Variants in GLIS1 observed in about 807,000 individuals in gnomAD.
GLIS1 encodes the protein zinc finger protein GLIS1.
In GLIS1, 24 loss-of-function variants were observed where a neutral mutation model predicts 63.8. That is an observed-to-expected ratio of 0.38 (90% confidence interval 0.27 to 0.53). The LOEUF is 0.53. GLIS1 is among the 20% of genes least tolerant of loss of function. The probability of loss-of-function intolerance (pLI) is 0.85; values close to 1 mark genes in which losing one functional copy is unlikely to be tolerated. For synonymous variants in GLIS1, 450 were observed against 482.5 expected (o/e 0.93, Z 0.88); for missense variants, 1,036 against 1,074.1 (o/e 0.96, Z 0.50).
intron 2 of GLIS1, among the ~76,000 whole-genome samples, chr1:53,680,712 T>C (rs1246305386): frequency 1.3e-5 from 2 of 152,166 alleles, no homozygotes; most frequent in Non-Finnish European, 2.9e-5. Flanking sequence ...TACTATCTGC[T>C]GAATGAATGA....
At chr1:53,620,518 C>G in intron 2 of GLIS1, among the ~76,000 whole-genome samples, 1 of 152,236 alleles carries the variant, frequency 6.6e-6, no homozygotes, top group Non-Finnish European at 1.5e-5. Context: ...TGAATGAGTA[C>G]AGTGTTTGGT....
chr1:53,599,980 G>T, intron 3 of GLIS1, 121 bp downstream of exon 3: 1 of 482,766 alleles, frequency 2.1e-6, no homozygotes, highest in Non-Finnish European at 3.3e-6. Context: ...TCTGAGCTAC[G>T]GGCCCCTCGT....
At chr1:53,641,639 AC>A (rs1645788292) in intron 2 of GLIS1, among the ~76,000 whole-genome samples, 1 of 152,162 alleles carries the variant, frequency 6.6e-6, no homozygotes, top group Non-Finnish European at 1.5e-5. Flanking sequence ...GCCTAAGGGC[AC>A]TTTGTGGATG....
At chr1:53,659,332 C>A (rs769077303) in intron 2 of GLIS1, among the ~76,000 whole-genome samples, 1 of 152,224 alleles carries the variant, frequency 6.6e-6, no homozygotes, top group Non-Finnish European at 1.5e-5. Context: ...AGGAGGAGAG[C>A]TTTCCAGCCC....
At chr1:53,531,488 G>A (rs1644530763) in intron 4 of GLIS1, among the ~76,000 whole-genome samples, 1 of 152,210 alleles carries the variant, frequency 6.6e-6, no homozygotes. Context: ...GATCCACCTG[G>A]CTGATTTTCA....
At chr1:53,659,146 G>A (rs979333650) in intron 2 of GLIS1, among the ~76,000 whole-genome samples, 2 of 152,198 alleles carry the variant, frequency 1.3e-5, no homozygotes, top group Non-Finnish European at 2.9e-5. Context: ...TGAGTGCTCT[G>A]AGCCTGAAGA....
intron 2 of GLIS1, among the ~76,000 whole-genome samples, chr1:53,660,972 A>C (rs1397922116): frequency 6.6e-6 from 1 of 152,194 alleles, no homozygotes; most frequent in East Asian, 1.9e-4. Context: ...GTGTGCTGGC[A>C]GACCCATGTT....
rs1031358849 is a variant in GLIS1 at position 53,646,815 on chromosome 1, A to G, written c.260-46537T>C. 3.3e-5 allele frequency among the ~76,000 whole-genome samples: 5 copies of G among 151,770 alleles called. No individual in the cohort carries two copies. The highest frequency in any genetic ancestry group is 7.4e-5 in the Non-Finnish European group (5 of 67,964). ...ACAGAGCAAGACTCTGTCTCAAAAA[A>G]GAAAGAAGAAAGGAAAGAGAGAGAG... On this transcript the variant is annotated intron_variant, in intron 2 of 10. Coordinates refer to ENST00000628545, the MANE Select transcript of GLIS1 (RefSeq NM_001367484.1). This position sits in a 1 kb window ranked among gnomAD's most constrained non-coding sequence, Gnocchi z 4.2.
chr1:53,514,616 T>A lies in GLIS1; in HGVS notation c.1883+9A>T. ...TGCCCCTGGAGGAGGACTGGCCTGG[T>A]GTACATACCCATCCCGGGTGCTCTC... On this transcript the variant is annotated intron_variant, in intron 8 of 10. Coordinates refer to ENST00000628545, the MANE Select transcript of GLIS1 (RefSeq NM_001367484.1). The A allele has an allele frequency of 6.2e-7, 1 of 1,609,128 alleles. No homozygotes were observed. The highest frequency in any genetic ancestry group is 8.5e-7 in the Non-Finnish European group (1 of 1,178,550).
intron 2 of GLIS1, among the ~76,000 whole-genome samples, chr1:53,705,863 TC>T (rs1459852193): frequency 6.6e-6 from 1 of 152,118 alleles, no homozygotes; most frequent in East Asian, 1.9e-4. Flanking sequence ...CCATCAATGC[TC>T]CCGGGAAGTC....
chr1:53,555,602 G>A (rs1240577997), intron 4 of GLIS1, among the ~76,000 whole-genome samples: 1 of 152,144 alleles, frequency 6.6e-6, no homozygotes, highest in Non-Finnish European at 1.5e-5. Context: ...AAATGCTTGA[G>A]GTAATGGACA....
At position 53,695,453 on chromosome 1, in the gene GLIS1, G is replaced by A. The variant is rs942132885; in HGVS notation, c.259+42353C>T. ...AAGAAGGTGACAGACAGGGCACTAC[G>A]GCAGCGACTTGTCTGTCCTCAGCCA... On this transcript the variant is annotated intron_variant, in intron 2 of 10. Coordinates refer to ENST00000628545, the MANE Select transcript of GLIS1 (RefSeq NM_001367484.1). 9.2e-5 allele frequency among the ~76,000 whole-genome samples: 14 copies of A among 152,230 alleles called. 1 individual carries two copies. Among genetic ancestry groups the A allele is most frequent in the African/African-American group, 3.4e-4 (14 of 41,452 alleles).
chr1:53,731,895 G>A lies in GLIS1; in HGVS notation c.259+5911C>T, dbSNP rs530767059. ...CAAACCTTCCCAGCCCAGTCAGTGTGGAATCCTGGAGTATCAGCAGGCAGG... is the reference window on the plus strand; with the variant it reads ...CAAACCTTCCCAGCCCAGTCAGTGTAGAATCCTGGAGTATCAGCAGGCAGG... On this transcript the variant is annotated intron_variant, in intron 2 of 10. Coordinates refer to ENST00000628545, the MANE Select transcript of GLIS1 (RefSeq NM_001367484.1). Among the ~76,000 whole-genome samples the A allele has an allele frequency of 4.6e-5, 7 of 152,298 alleles. No individual in the cohort carries two copies. The South Asian group carries it at 1.5e-3, about 32-fold the overall frequency.
chr1:53,561,331 G>A (rs1244669934), intron 4 of GLIS1, among the ~76,000 whole-genome samples: 2 of 152,110 alleles, frequency 1.3e-5, no homozygotes, highest in South Asian at 2.1e-4. Context: ...TCATAGCCCA[G>A]GACCTGGAAA....
chr1:53,715,917 G>A (rs769247923), intron 2 of GLIS1, among the ~76,000 whole-genome samples: 1 of 152,176 alleles, frequency 6.6e-6, no homozygotes, highest in Non-Finnish European at 1.5e-5. Context: ...TTAGACGCAG[G>A]AAGGCATGGT....
intron 2 of GLIS1, among the ~76,000 whole-genome samples, chr1:53,721,494 CA>C (rs112247642): frequency 0.16 from 23,216 of 146,130 alleles, 1,866 homozygotes; most frequent in East Asian, 0.25. Flanking sequence ...AAGAAAATGC[CA>C]AAAAAAAAAA....
intron 4 of GLIS1, among the ~76,000 whole-genome samples, chr1:53,555,958 ATGTG>A (rs1557448199): frequency 1.0e-5 from 1 of 97,474 alleles, no homozygotes; most frequent in Non-Finnish European, 2.0e-5. Context: ...TACTGCAGGT[ATGTG>A]TGTGTGCAGG....
At chr1:53,543,581 C>A (rs1324349803) in intron 4 of GLIS1, among the ~76,000 whole-genome samples, 1 of 152,188 alleles carries the variant, frequency 6.6e-6, no homozygotes, top group African/African-American at 2.4e-5. Flanking sequence ...TTAGGAAACA[C>A]TAGCCCAAGG....
intron 10 of GLIS1, among the ~76,000 whole-genome samples, chr1:53,508,210 G>A (rs1644256868): frequency 6.6e-6 from 1 of 152,230 alleles, no homozygotes; most frequent in African/African-American, 2.4e-5. Flanking sequence ...CACTCACGGG[G>A]CGCATGCTGC....
Sources: gnomAD v4.1 joint callset for allele counts (sites outside exome capture counted in the v4.1 genomes callset) on GRCh38, gnomAD v4.1.1 for gene constraint, Gnocchi (gnomAD v3.1) non-coding constraint, MANE v1.5 for transcripts, NCBI Gene and HGNC (gene_info 2026-07-23, HGNC 2026-07-21) for gene names.